GSG1L: variants seen among roughly 807,000 people sequenced by gnomAD.
GSG1L encodes the protein GSG1 like.
GSG1L carries 24 observed loss-of-function variants against 42.1 expected under a neutral mutation model. The ratio of observed to expected loss-of-function variants is 0.57; its 90% CI spans 0.41 to 0.80. The LOEUF (loss-of-function observed/expected upper bound fraction) is 0.80. GSG1L is among the 30% of genes least tolerant of loss of function. The probability of loss-of-function intolerance (pLI) is 0.00; values close to 1 mark genes in which losing one functional copy is unlikely to be tolerated. For synonymous variants in GSG1L, 215 were observed against 203.5 expected (o/e 1.06, Z -0.48); for missense variants, 445 against 472.2 (o/e 0.94, Z 0.53).
intron 3 of GSG1L, among the ~76,000 whole-genome samples, chr16:27,868,436 A>G (rs1432141062): frequency 6.6e-6 from 1 of 152,260 alleles, no homozygotes; most frequent in East Asian, 1.9e-4. Flanking sequence ...ATGGCCGTAA[A>G]TACGGCAAGG....
intron 1 of GSG1L, among the ~76,000 whole-genome samples, chr16:27,979,715 G>GA (rs1171926787): frequency 1.3e-4 from 8 of 59,478 alleles, no homozygotes; most frequent in African/African-American, 2.0e-4. Context: ...AGGAAGGAAG[G>GA]AAGGAAGGAA....
At position 27,976,648 on chromosome 16, in the gene GSG1L, T is replaced by C. The variant is rs375723827; in HGVS notation, c.350-13445A>G. 2.8e-4 allele frequency among the ~76,000 whole-genome samples: 43 copies of C among 152,288 alleles called. 1 individual carries two copies. Among genetic ancestry groups the C allele is most frequent in the African/African-American group, 1.0e-3 (42 of 41,552 alleles). ...AGACATTGGGCAGCCACATTGAGCCTTACACCTGCCACGAGGCAGCAGACT... is the reference window on the plus strand; with the variant it reads ...AGACATTGGGCAGCCACATTGAGCCCTACACCTGCCACGAGGCAGCAGACT... On this transcript the variant is annotated intron_variant, in intron 1 of 6. Coordinates refer to ENST00000447459, the MANE Select transcript of GSG1L (RefSeq NM_001109763.2).
At position 27,923,267 on chromosome 16, in the gene GSG1L, C is replaced by T. The variant is rs74015161; in HGVS notation, c.398-38629G>A. ...CAGCACACCACAGCCATCTGGGCAG[C>T]CATGGCCAAGTGGCTGTTCTGCCCC... On this transcript the variant is annotated intron_variant, in intron 2 of 6. Transcript: ENST00000447459. 7.3e-3 allele frequency among the ~76,000 whole-genome samples: 1,112 copies of T among 152,298 alleles called. 16 individuals carry two copies. Among genetic ancestry groups the T allele is most frequent in the African/African-American group, 0.025 (1,052 of 41,564 alleles).
intron 2 of GSG1L, among the ~76,000 whole-genome samples, chr16:27,942,740 C>T (rs1056787315): frequency 6.6e-6 from 1 of 152,150 alleles, no homozygotes; most frequent in African/African-American, 2.4e-5. Flanking sequence ...ACCAGATTGG[C>T]AAAATTTATA....
At chr16:27,926,432 G>C (rs2084593131) in intron 2 of GSG1L, among the ~76,000 whole-genome samples, 1 of 152,106 alleles carries the variant, frequency 6.6e-6, no homozygotes, top group South Asian at 2.1e-4. Context: ...GGCCTGGGAG[G>C]CCGGTGCTGG....
intron 2 of GSG1L, among the ~76,000 whole-genome samples, chr16:27,939,685 C>CCTCTCCCCA (rs2084764236): frequency 6.6e-6 from 1 of 152,162 alleles, no homozygotes; most frequent in Non-Finnish European, 1.5e-5. Flanking sequence ...CAGGCTGCCA[C>CCTCTCCCCA]CTCTCCCCAC....
chr16:27,880,260 T>C (rs546650127), intron 3 of GSG1L, among the ~76,000 whole-genome samples: 1 of 152,144 alleles, frequency 6.6e-6, no homozygotes, highest in African/African-American at 2.4e-5. Context: ...AGCCTCAAAG[T>C]TTATCTCCTC....
intron 3 of GSG1L, among the ~76,000 whole-genome samples, chr16:27,878,776 G>A (rs1410088096): frequency 6.6e-6 from 1 of 152,146 alleles, no homozygotes; most frequent in East Asian, 1.9e-4. Flanking sequence ...AGGTAAAAAC[G>A]GTAAGGAGGA....
At chr16:27,918,966 G>A (rs1010809118) in intron 2 of GSG1L, among the ~76,000 whole-genome samples, 10 of 152,066 alleles carry the variant, frequency 6.6e-5, no homozygotes, top group African/African-American at 2.4e-4. Flanking sequence ...ACTCTCCCAC[G>A]GAGCCTGGGA....
chr16:27,911,786 G>A (rs1342664379), intron 2 of GSG1L, among the ~76,000 whole-genome samples: 6 of 151,894 alleles, frequency 4.0e-5, no homozygotes, highest in Admixed American at 2.6e-4. Context: ...TAATGTAAAC[G>A]CTCTCTCACT....
At chr16:28,045,318 AG>A (rs1272579742) in intron 1 of GSG1L, among the ~76,000 whole-genome samples, 1 of 152,186 alleles carries the variant, frequency 6.6e-6, no homozygotes, top group Admixed American at 6.5e-5. Context: ...ATGTGAAGAA[AG>A]GGGGGATATG....
chr16:27,934,159 C>T (rs1449543053), intron 2 of GSG1L, among the ~76,000 whole-genome samples: 1 of 152,220 alleles, frequency 6.6e-6, no homozygotes, highest in Non-Finnish European at 1.5e-5. Flanking sequence ...CCACTCCCCG[C>T]CAACACTACT....
intron 2 of GSG1L, among the ~76,000 whole-genome samples, chr16:27,928,522 C>A (rs11862907): frequency 1.6e-4 from 7 of 43,502 alleles, no homozygotes; most frequent in Non-Finnish European, 3.7e-4. Flanking sequence ...GAAAAGAAAA[C>A]AAAACAAAAC....
rs965088443 is a variant in GSG1L, at chr16:27,884,790, C to T, written c.398-152G>A. On this transcript the variant is annotated intron_variant, in intron 2 of 6. Transcript: ENST00000447459. The surrounding 1 kb of genome is among the most constrained non-coding windows in gnomAD (Gnocchi z 4.4). ...GGTCCTGATGGAAGCCTGTCATGGC[C>T]GTCCCATCCTTGTCTGCAGGGGCCG... Among the ~76,000 whole-genome samples, 2 of 152,282 alleles carry T rather than the reference C, an allele frequency of 1.3e-5. No individual in the cohort carries two copies. The highest frequency in any genetic ancestry group is 2.4e-5 in the African/African-American group (1 of 41,566).
At chr16:27,943,852 G>T (rs1366006305) in intron 2 of GSG1L, among the ~76,000 whole-genome samples, 1 of 152,128 alleles carries the variant, frequency 6.6e-6, no homozygotes, top group Non-Finnish European at 1.5e-5. Context: ...TAGGATTACA[G>T]GTGTAAGCCA....
intron 3 of GSG1L, chr16:27,863,166 A>AT (rs1050199024): frequency 6.6e-6 from 1 of 151,820 alleles, no homozygotes; most frequent in African/African-American, 2.4e-5. Flanking sequence ...ATGACGACAT[A>AT]TTTTTTCTTG....
intron 2 of GSG1L, among the ~76,000 whole-genome samples, chr16:27,952,670 T>C (rs929524391): frequency 6.6e-6 from 1 of 152,222 alleles, no homozygotes; most frequent in Non-Finnish European, 1.5e-5. Flanking sequence ...CTGTGTATGT[T>C]TGAGAGCCAT....
intron 1 of GSG1L, among the ~76,000 whole-genome samples, chr16:28,009,718 G>T (rs2085690724): frequency 6.6e-6 from 1 of 152,214 alleles, no homozygotes; most frequent in African/African-American, 2.4e-5. Context: ...CTGGCCTTGG[G>T]TCGGCAAGCC....
chr16:27,842,574 T>C (rs2083398150), intron 4 of GSG1L, among the ~76,000 whole-genome samples: 1 of 151,656 alleles, frequency 6.6e-6, no homozygotes, highest in Non-Finnish European at 1.5e-5. Context: ...TCTTCCAAGT[T>C]CAAGGTCTCA....
Sources: allele counts gnomAD v4.1 joint callset (sites outside exome capture counted in the v4.1 genomes callset), GRCh38; gene constraint gnomAD v4.1.1; non-coding constraint Gnocchi (gnomAD v3.1); transcripts MANE v1.5; gene names NCBI Gene and HGNC (gene_info 2026-07-23, HGNC 2026-07-21).